The following CNTN5 variants were observed in gnomAD, a reference collection of about 807,000 sequenced individuals.
CNTN5 encodes the protein contactin 5.
A neutral mutation model predicts 129.1 loss-of-function variants in CNTN5; 77 were observed. That is an observed-to-expected ratio of 0.60 (90% CI 0.50 to 0.72). CNTN5 has a LOEUF of 0.72. Ranked by LOEUF, CNTN5 falls within the 30% of genes least tolerant of loss-of-function variation. The pLI is 0.00. For synonymous variants in CNTN5, 509 were observed against 465.6 expected, an observed-to-expected ratio of 1.09 and a Z score of -1.20; for missense variants, 1,478 against 1,328.8, an observed-to-expected ratio of 1.11 and a Z score of -1.75.
intron 3 of CNTN5, among the ~76,000 whole-genome samples, chr11:99,583,975 C>T (rs897801781): frequency 3.9e-5 from 6 of 152,058 alleles, no homozygotes; most frequent in Admixed American, 6.6e-5. Context: ...TCCACCCTCT[C>T]AAAGATTTTC....
At chr11:99,166,397 CAAA>C (rs57810491) in intron 1 of CNTN5, among the ~76,000 whole-genome samples, 10 of 82,910 alleles carry the variant, frequency 1.2e-4, no homozygotes, top group Non-Finnish European at 9.8e-5. Context: ...AAGACTCTGT[CAAA>C]AAAAAAAAAA....
chr11:99,396,446 TTGTGTAAA>T (rs2136200048), intron 2 of CNTN5, among the ~76,000 whole-genome samples: 1 of 151,694 alleles, frequency 6.6e-6, no homozygotes, highest in Non-Finnish European at 1.5e-5. Flanking sequence ...ATAGTTGTGG[TTGTGTAAA>T]ACAGGACCTG....
At chr11:99,250,061 A>G (rs924523681) in intron 1 of CNTN5, among the ~76,000 whole-genome samples, 1 of 151,936 alleles carries the variant, frequency 6.6e-6, no homozygotes, top group African/African-American at 2.4e-5. Flanking sequence ...TTCTCAGTGA[A>G]GGCATAGACA....
At chr11:100,173,994 G>C (rs1049540752) in intron 13 of CNTN5, among the ~76,000 whole-genome samples, 2 of 152,100 alleles carry the variant, frequency 1.3e-5, no homozygotes, top group Non-Finnish European at 2.9e-5. Context: ...TACTGAACTA[G>C]AGAAGAGAAA....
intron 1 of CNTN5, among the ~76,000 whole-genome samples, chr11:99,293,293 T>C (rs1237920531): frequency 6.6e-6 from 1 of 152,174 alleles, no homozygotes; most frequent in Non-Finnish European, 1.5e-5. Flanking sequence ...TTGGTCATGG[T>C]GAATGATCTT....
intron 1 of CNTN5, among the ~76,000 whole-genome samples, chr11:99,183,536 T>G (rs552420936): frequency 6.6e-6 from 1 of 152,100 alleles, no homozygotes; most frequent in Non-Finnish European, 1.5e-5. Flanking sequence ...CTTAGTTTCA[T>G]GGTATTTGTT....
chr11:99,395,135 C>A (rs1941455247), intron 2 of CNTN5, among the ~76,000 whole-genome samples: 1 of 151,606 alleles, frequency 6.6e-6, no homozygotes, highest in Admixed American at 6.6e-5. Context: ...CCATAATGGT[C>A]AAACTAATTT....
chr11:100,017,611 G>A (rs2040472134), intron 9 of CNTN5, among the ~76,000 whole-genome samples: 1 of 151,934 alleles, frequency 6.6e-6, no homozygotes. Flanking sequence ...CTCCATCTAT[G>A]TGCAGTTTAA....
intron 2 of CNTN5, among the ~76,000 whole-genome samples, chr11:99,541,956 C>CAAAAACAAA (rs1948125335): frequency 1.5e-5 from 1 of 68,878 alleles, no homozygotes. Flanking sequence ...GATCTTGTCT[C>CAAAAACAAA]AAAAAAAAAA....
At chr11:99,811,232 C>T (rs1365662419) in intron 3 of CNTN5, among the ~76,000 whole-genome samples, 11 of 151,626 alleles carry the variant, frequency 7.3e-5, no homozygotes, top group Non-Finnish European at 1.5e-5. Flanking sequence ...ATTTTAGGAG[C>T]GGTAAATTTT....
chr11:100,275,959 T>C (rs1950501457), intron 18 of CNTN5, among the ~76,000 whole-genome samples: 1 of 152,184 alleles, frequency 6.6e-6, no homozygotes, highest in Non-Finnish European at 1.5e-5. Context: ...AATGATGCAC[T>C]CTGCCTCTAT....
At chr11:99,194,062 TA>T (rs1445980996) in intron 1 of CNTN5, among the ~76,000 whole-genome samples, 3 of 152,196 alleles carry the variant, frequency 2.0e-5, no homozygotes, top group African/African-American at 7.2e-5. Flanking sequence ...AATGTAATTT[TA>T]AAATAAGATA....
chr11:100,127,093 T>C (rs1255474360), intron 13 of CNTN5, among the ~76,000 whole-genome samples: 1 of 123,568 alleles, frequency 8.1e-6, no homozygotes, highest in Admixed American at 9.5e-5. Context: ...CATGCGCAGC[T>C]AATTTTTTTT....
intron 3 of CNTN5, among the ~76,000 whole-genome samples, chr11:99,739,715 A>C (rs990816126): frequency 6.6e-6 from 1 of 152,186 alleles, no homozygotes; most frequent in African/African-American, 2.4e-5. Context: ...ATTTCTTACC[A>C]AGTCAATTAC....
At chr11:99,234,746 G>C (rs1360325553) in intron 1 of CNTN5, among the ~76,000 whole-genome samples, 1 of 151,694 alleles carries the variant, frequency 6.6e-6, no homozygotes, top group Non-Finnish European at 1.5e-5. Flanking sequence ...AAATAACAAT[G>C]ATAATTAATA....
chr11:99,462,139 C>A (rs1439478942), intron 2 of CNTN5, among the ~76,000 whole-genome samples: 1 of 152,204 alleles, frequency 6.6e-6, no homozygotes, highest in Admixed American at 6.5e-5. Flanking sequence ...GAAGGTATAA[C>A]ATAACCATTG....
chr11:99,432,326 A>G (rs866169714), intron 2 of CNTN5, among the ~76,000 whole-genome samples: 2 of 152,206 alleles, frequency 1.3e-5, no homozygotes, highest in South Asian at 4.1e-4. Context: ...AGGATTTGGG[A>G]TTTCTATTTT....
intron 2 of CNTN5, among the ~76,000 whole-genome samples, chr11:99,509,559 G>A (rs1048086683): frequency 2.4e-4 from 37 of 152,036 alleles, no homozygotes; most frequent in Admixed American, 1.3e-4. Flanking sequence ...AAATATAACT[G>A]ACCAAAATGA....
intron 2 of CNTN5, among the ~76,000 whole-genome samples, chr11:99,521,703 T>A (rs1467453205): frequency 6.6e-6 from 1 of 152,204 alleles, no homozygotes; most frequent in Non-Finnish European, 1.5e-5. Context: ...GTTGCTCTTG[T>A]TGCTGTAGTT....
Sources: gnomAD v4.1 joint callset for allele counts (sites outside exome capture counted in the v4.1 genomes callset) on GRCh38, gnomAD v4.1.1 for gene constraint, MANE v1.5 for transcripts, NCBI Gene and HGNC (gene_info 2026-07-23, HGNC 2026-07-21) for gene names.